KCNAB1: variants seen among roughly 807,000 people sequenced by gnomAD.
The protein encoded by KCNAB1 is potassium voltage-gated channel subfamily A regulatory beta subunit 1, also known as voltage-gated potassium channel subunit beta-1.
A neutral mutation model predicts 64.6 loss-of-function variants in KCNAB1; 35 were observed. The observed-to-expected ratio is 0.54, with a 90% CI of 0.41 to 0.72. The LOEUF (loss-of-function observed/expected upper bound fraction) is 0.72, where lower values mean the gene tolerates loss of function less well. Ranked by LOEUF, KCNAB1 falls within the 30% of genes least tolerant of loss-of-function variation. The pLI is 0.00. For missense variants in KCNAB1, 401 were observed against 512.9 expected (o/e 0.78, Z 2.11); for synonymous variants, 177 against 183.8 (o/e 0.96, Z 0.30).
At chr3:156,237,997 G>C (rs957847093) in intron 1 of KCNAB1, among the ~76,000 whole-genome samples, 1 of 152,146 alleles carries the variant, frequency 6.6e-6, no homozygotes, top group African/African-American at 2.4e-5. Flanking sequence ...GAATAGATAA[G>C]GAAATGACTG....
chr3:156,195,050 C>G (rs573709354), intron 1 of KCNAB1, among the ~76,000 whole-genome samples: 1 of 152,180 alleles, frequency 6.6e-6, no homozygotes, highest in Admixed American at 6.5e-5. Flanking sequence ...GTTTTCTGTT[C>G]CTGTGTTAGT....
At chr3:156,141,137 A>G (rs1272473009) in intron 1 of KCNAB1, among the ~76,000 whole-genome samples, 1 of 151,988 alleles carries the variant, frequency 6.6e-6, no homozygotes, top group Non-Finnish European at 1.5e-5. Flanking sequence ...GAGAGATTCC[A>G]TATATCCTTT....
intron 1 of KCNAB1, among the ~76,000 whole-genome samples, chr3:156,310,375 G>A (rs1034996081): frequency 3.9e-5 from 6 of 152,158 alleles, no homozygotes; most frequent in Non-Finnish European, 7.3e-5. Context: ...AAAGGCATAA[G>A]TATGAAGAGT....
intron 1 of KCNAB1, among the ~76,000 whole-genome samples, chr3:156,414,757 C>T (rs1435043952): frequency 6.6e-6 from 1 of 152,184 alleles, no homozygotes; most frequent in African/African-American, 2.4e-5. Context: ...AGCTTTTCTG[C>T]TGCCTTAGAT....
At chr3:156,282,913 T>G (rs1719835574) in intron 1 of KCNAB1, among the ~76,000 whole-genome samples, 1 of 151,904 alleles carries the variant, frequency 6.6e-6, no homozygotes, top group East Asian at 1.9e-4. Context: ...TCTTGACTCT[T>G]TATCCAATTT....
At chr3:156,218,248 A>G (rs1715447576) in intron 1 of KCNAB1, among the ~76,000 whole-genome samples, 1 of 152,156 alleles carries the variant, frequency 6.6e-6, no homozygotes, top group Non-Finnish European at 1.5e-5. Flanking sequence ...GGTGACCCGT[A>G]TGACTCAGCA....
intron 1 of KCNAB1, among the ~76,000 whole-genome samples, chr3:156,162,415 C>A (rs1421448825): frequency 6.6e-6 from 1 of 152,180 alleles, no homozygotes; most frequent in Admixed American, 6.5e-5. Flanking sequence ...TTAGGACTAA[C>A]TAGGTCTCAA....
At chr3:156,260,258 A>G (rs904611089) in intron 1 of KCNAB1, among the ~76,000 whole-genome samples, 1 of 152,210 alleles carries the variant, frequency 6.6e-6, no homozygotes, top group African/African-American at 2.4e-5. Context: ...GTGTTTTTTA[A>G]AAACAGTTTT....
intron 1 of KCNAB1, among the ~76,000 whole-genome samples, chr3:156,129,526 G>A (rs1284909273): frequency 6.6e-6 from 1 of 152,146 alleles, no homozygotes; most frequent in African/African-American, 2.4e-5. Context: ...TCTGATATCA[G>A]GCTGACTTAG....
intron 11 of KCNAB1, among the ~76,000 whole-genome samples, chr3:156,518,425 C>T (rs1717699458): frequency 1.4e-5 from 2 of 143,468 alleles, no homozygotes; most frequent in African/African-American, 5.8e-5. Flanking sequence ...TCAGAGCAAC[C>T]TTTGGAGTGA....
intron 1 of KCNAB1, among the ~76,000 whole-genome samples, chr3:156,406,567 C>A (rs1714262148): frequency 6.6e-6 from 1 of 152,112 alleles, no homozygotes; most frequent in African/African-American, 2.4e-5. Context: ...GATGCAAATG[C>A]AAAGACACAT....
rs1385745483 is a variant in KCNAB1, at chr3:156,132,315, A to G, written c.275+11429A>G. ...CTGTTTCACTGAGAAGGCTGAGGACACTTCAGAGACCTGTAGATGGTCATC... is the reference window on the plus strand; with the variant it reads ...CTGTTTCACTGAGAAGGCTGAGGACGCTTCAGAGACCTGTAGATGGTCATC... On this transcript the variant is annotated intron_variant, in intron 1 of 13. Coordinates refer to ENST00000490337, the MANE Select transcript of KCNAB1 (RefSeq NM_172160.3). 3.9e-5 allele frequency among the ~76,000 whole-genome samples: 6 copies of G among 152,338 alleles called. No homozygotes were observed. The South Asian group carries it at 6.2e-4, about 16-fold the overall frequency.
At chr3:156,192,292 T>C (rs1435975035) in intron 1 of KCNAB1, among the ~76,000 whole-genome samples, 2 of 152,200 alleles carry the variant, frequency 1.3e-5, no homozygotes, top group Non-Finnish European at 2.9e-5. Flanking sequence ...TAAATTGCCA[T>C]TAACATTCTT....
chr3:156,531,931 T>G (rs1343811548), intron 13 of KCNAB1, among the ~76,000 whole-genome samples: 1 of 152,186 alleles, frequency 6.6e-6, no homozygotes, highest in East Asian at 1.9e-4. Flanking sequence ...CCATGATCTT[T>G]TATGATAATG....
rs144647187 is a variant in KCNAB1 at position 156,524,195 on chromosome 3, A to G, written c.1081+248A>G. ...TAGTTTAAATGAGAACATGTCAGTG[A>G]TAACATACACTATCACAGATGTCAG... On this transcript the variant is annotated intron_variant, in intron 12 of 13. Transcript: ENST00000490337. The G allele has an allele frequency of 2.3e-3, 876 of 385,212 alleles. 4 individuals are homozygous for G. Among genetic ancestry groups the G allele is most frequent in the African/African-American group, 3.4e-3 (164 of 48,364 alleles). 23.9% of individuals were successfully genotyped at this position (385,212 alleles called of 1,614,324 possible).
chr3:156,446,098 T>G (rs1446253471), intron 2 of KCNAB1: 1 of 152,232 alleles, frequency 6.6e-6, no homozygotes, highest in African/African-American at 2.4e-5. Context: ...TTCTGGGTCC[T>G]GAAAAATAAG....
At chr3:156,465,819 C>A (rs1359322922) in intron 7 of KCNAB1, 133 bp downstream of exon 7, 2 of 732,736 alleles carry the variant, frequency 2.7e-6, no homozygotes, top group East Asian at 5.3e-5. Flanking sequence ...AACCAAGTTT[C>A]TTCTTGGGGT....
intron 8 of KCNAB1, among the ~76,000 whole-genome samples, chr3:156,505,601 G>A (rs1317628375): frequency 6.6e-6 from 1 of 152,100 alleles, no homozygotes; most frequent in Non-Finnish European, 1.5e-5. Context: ...AATTTTAATT[G>A]TAGAGATTTT....
At chr3:156,278,690 A>C (rs1429171149) in intron 1 of KCNAB1, among the ~76,000 whole-genome samples, 1 of 152,194 alleles carries the variant, frequency 6.6e-6, no homozygotes, top group Non-Finnish European at 1.5e-5. Context: ...AATCATTTTT[A>C]ACTGCTGCTG....
Sources: allele counts gnomAD v4.1 joint callset (sites outside exome capture counted in the v4.1 genomes callset), GRCh38; gene constraint gnomAD v4.1.1; transcripts MANE v1.5; gene names NCBI Gene and HGNC (gene_info 2026-07-23, HGNC 2026-07-21).